The following AP4E1 variants were observed in gnomAD, a reference collection of about 807,000 sequenced individuals.
AP4E1 encodes the protein adaptor related protein complex 4 subunit epsilon 1.
A neutral mutation model predicts 128.2 loss-of-function variants in AP4E1; 56 were observed. The observed-to-expected ratio is 0.44, with a 90% confidence interval of 0.35 to 0.55. The LOEUF is 0.55. Ranked by LOEUF, AP4E1 falls within the 20% of genes least tolerant of loss-of-function variation. AP4E1 has a pLI of 0.00. For missense variants in AP4E1, 1,324 were observed against 1,307.7 expected (o/e 1.01, Z -0.19); for synonymous variants, 484 against 473.1 (o/e 1.02, Z -0.30).
At chr15:50,910,443 A>G (rs2063552161) in intron 1 of AP4E1, among the ~76,000 whole-genome samples, 1 of 152,274 alleles carries the variant, frequency 6.6e-6, no homozygotes, top group Non-Finnish European at 1.5e-5. Flanking sequence ...AATTAAACAC[A>G]TTCCCTTTTC....
intron 13 of AP4E1, among the ~76,000 whole-genome samples, chr15:50,954,287 C>A (rs1289115336): frequency 6.6e-6 from 1 of 152,048 alleles, no homozygotes; most frequent in African/African-American, 2.4e-5. Flanking sequence ...AATGTGCCCT[C>A]CTATTTTCTG....
intron 8 of AP4E1, among the ~76,000 whole-genome samples, chr15:50,938,658 T>C (rs2063941941): frequency 6.6e-6 from 1 of 152,078 alleles, no homozygotes; most frequent in African/African-American, 2.4e-5. Context: ...GCGTGGGTGT[T>C]AGAGAAAGCC....
chr15:50,947,719 A>G (rs547598736), intron 10 of AP4E1, among the ~76,000 whole-genome samples: 3 of 152,312 alleles, frequency 2.0e-5, no homozygotes, highest in South Asian at 4.1e-4. Context: ...TAGAAAATAT[A>G]TATCTATTGT....
At chr15:50,931,102 G>A (rs2063830330) in intron 7 of AP4E1, 131 bp downstream of exon 7, 1 of 1,145,564 alleles carries the variant, frequency 8.7e-7, no homozygotes, top group Non-Finnish European at 1.3e-6. Flanking sequence ...GATAAAAGAA[G>A]CCATTGTAAG....
At chr15:50,993,705 C>T in intron 17 of AP4E1, 80 bp downstream of exon 17, 2 of 1,564,634 alleles carry the variant, frequency 1.3e-6, no homozygotes, top group East Asian at 2.2e-5. Context: ...AAGCTCCTGG[C>T]TGTCGTCTAT....
At chr15:50,953,065 A>G (rs1275517995) in intron 13 of AP4E1, among the ~76,000 whole-genome samples, 1 of 152,166 alleles carries the variant, frequency 6.6e-6, no homozygotes, top group African/African-American at 2.4e-5. Context: ...AAAGGGAGAA[A>G]AAAAAGATGG....
chr15:50,961,964 A>C (rs2064321100), intron 14 of AP4E1, among the ~76,000 whole-genome samples: 1 of 148,592 alleles, frequency 6.7e-6, no homozygotes, highest in African/African-American at 2.6e-5. Context: ...CCAAGCCAGA[A>C]AAAAAAAATC....
rs1202436862 is a variant in AP4E1, at chr15:50,971,239, C to CT, written c.1966+2868dup. The stretch of plus-strand genomic sequence containing the variant: ...GATATTCATGCTGTTTTTTCTTTTT[C>CT]TTTTTTCTTTTAGTACTTTGAATAT... On this transcript the variant is annotated intron_variant, in intron 15 of 20. Transcript: ENST00000261842. Among the ~76,000 whole-genome samples, 6 of 152,038 alleles carry CT rather than the reference C, an allele frequency of 3.9e-5. No homozygotes were observed. The East Asian group carries it at 1.2e-3, about 29-fold the overall frequency.
chr15:50,912,823 T>C (rs151038563), intron 2 of AP4E1, among the ~76,000 whole-genome samples: 1,683 of 152,186 alleles, frequency 0.011, 29 homozygotes, highest in African/African-American at 0.039. Context: ...CCACCATGCC[T>C]GGCTAATTTT....
At chr15:50,958,857 A>G (rs2064270891) in intron 14 of AP4E1, 63 bp downstream of exon 14, 1 of 1,501,852 alleles carries the variant, frequency 6.7e-7, no homozygotes, top group South Asian at 1.1e-5. Context: ...TAATTCTTGC[A>G]TTTGTGACAT....
intron 8 of AP4E1, among the ~76,000 whole-genome samples, chr15:50,937,342 T>G (rs1265543715): frequency 6.6e-6 from 1 of 152,224 alleles, no homozygotes; most frequent in Non-Finnish European, 1.5e-5. Flanking sequence ...GGTTTCAGTA[T>G]TAGTACTTTC....
Position 51,003,398 on chromosome 15 carries a change from A to G in AP4E1, c.*736A>G, listed in dbSNP as rs1305585126. 2 of 152,510 alleles carry G rather than the reference A, an allele frequency of 1.3e-5. No individual in the cohort carries two copies. Among genetic ancestry groups the G allele is most frequent in the Non-Finnish European group, 2.9e-5 (2 of 68,040 alleles). 9.4% of individuals were successfully genotyped at this position (152,510 alleles called of 1,614,324 possible). On this transcript the variant is annotated 3_prime_UTR_variant, in exon 21 of 21. Coordinates refer to ENST00000261842, the MANE Select transcript of AP4E1 (RefSeq NM_007347.5). ...CATTTTATATAGAAACAAAACCCAT[A>G]AGAGCACACAGTAACAAAGCAAACA...
At chr15:50,925,771 A>C (rs1379229147) in intron 5 of AP4E1, among the ~76,000 whole-genome samples, 1 of 150,856 alleles carries the variant, frequency 6.6e-6, no homozygotes, top group Non-Finnish European at 1.5e-5. Flanking sequence ...CTAGGATTAC[A>C]GGTGCCTGCC....
intron 16 of AP4E1, among the ~76,000 whole-genome samples, chr15:50,985,469 T>A (rs2064707338): frequency 6.6e-6 from 1 of 152,202 alleles, no homozygotes; most frequent in Non-Finnish European, 1.5e-5. Context: ...TTTAATCCCA[T>A]CTTGAATTAA....
At chr15:50,935,482 C>T (rs1596468903) in intron 8 of AP4E1, among the ~76,000 whole-genome samples, 1 of 151,958 alleles carries the variant, frequency 6.6e-6, no homozygotes, top group Non-Finnish European at 1.5e-5. Context: ...TAACAGCCAA[C>T]GGGAGGAGCT....
chr15:50,917,237 C>T (rs183061465), intron 3 of AP4E1, among the ~76,000 whole-genome samples: 14 of 152,250 alleles, frequency 9.2e-5, no homozygotes, highest in African/African-American at 3.1e-4. Flanking sequence ...TCATCCTTTT[C>T]GTTTCTAAGG....
chr15:50,931,003 C>A (rs375330194), intron 7 of AP4E1, 32 bp downstream of exon 7: 93 of 1,610,500 alleles, frequency 5.8e-5, no homozygotes, highest in Non-Finnish European at 7.1e-5. Context: ...TGCTTAATGA[C>A]CCCCATACCA....
Position 50,908,710 on chromosome 15 carries a change from G to A in AP4E1, c.-69G>A. On this transcript the variant is annotated 5_prime_UTR_variant, in exon 1 of 21. Coordinates refer to ENST00000261842, the MANE Select transcript of AP4E1 (RefSeq NM_007347.5). ...TGCCTACGGAGGCCGGGCCGGCAGCGGCGGCCGGGCATGAAGCCGGGCGGC... is the reference window on the plus strand; with the variant it reads ...TGCCTACGGAGGCCGGGCCGGCAGCAGCGGCCGGGCATGAAGCCGGGCGGC... 1 of 1,397,310 alleles carries A rather than the reference G, an allele frequency of 7.2e-7. No homozygotes were observed. Among genetic ancestry groups the A allele is most frequent in the Non-Finnish European group, 9.3e-7 (1 of 1,078,622 alleles). 86.6% of individuals were successfully genotyped at this position (1,397,310 alleles called of 1,614,324 possible). A position where few individuals can be genotyped will look rare whatever the true frequency, so the allele number is the denominator to read the frequency against.
In AP4E1 at chr15:50,928,714, GT is replaced by G. The variant is rs10588492; in HGVS notation, c.543-282del. 0.28 allele frequency among the ~76,000 whole-genome samples: 38,673 copies of G among 139,472 alleles called. 5,185 individuals are homozygous for G. Among genetic ancestry groups the G allele is most frequent in the East Asian group, 0.46 (2,267 of 4,920 alleles). 91.5% of individuals were successfully genotyped at this position (139,472 alleles called of 152,430 possible). The stretch of plus-strand genomic sequence containing the variant: ...GAGAATTAAGAAATTTGTTTTTCAT[GT>G]TTTTTTTTTTTTAATCTCAAAAGTA... On this transcript the variant is annotated intron_variant, in intron 5 of 20. Coordinates refer to ENST00000261842, the MANE Select transcript of AP4E1 (RefSeq NM_007347.5).
Sources: allele counts gnomAD v4.1 joint callset (sites outside exome capture counted in the v4.1 genomes callset), GRCh38; gene constraint gnomAD v4.1.1; transcripts MANE v1.5; gene names NCBI Gene and HGNC (gene_info 2026-07-23, HGNC 2026-07-21).